Variants in TGM3 observed in about 807,000 individuals in gnomAD.
TGM3 encodes transglutaminase 3, also known as protein-glutamine gamma-glutamyltransferase E.
Under a neutral mutation model 73.8 loss-of-function variants are expected in TGM3, and 52 were observed. The observed-to-expected ratio is 0.70, with a 90% CI of 0.56 to 0.89. The LOEUF is 0.89. Ranked by LOEUF, TGM3 falls within the 40% of genes least tolerant of loss-of-function variation. The pLI is 0.00. For synonymous variants in TGM3, 372 were observed against 354.9 expected (o/e 1.05, Z -0.54); for missense variants, 928 against 909.9 (o/e 1.02, Z -0.26).
intron 1 of TGM3, among the ~76,000 whole-genome samples, chr20:2,307,086 C>T (rs1005405110): frequency 6.6e-6 from 1 of 152,170 alleles, no homozygotes; most frequent in Non-Finnish European, 1.5e-5. Flanking sequence ...GCACAAATGT[C>T]TCAGTTTCCC....
In TGM3 at chr20:2,332,890, G is replaced by T. The variant is rs2084329095; in HGVS notation, c.1642+580G>T. 1.3e-5 allele frequency among the ~76,000 whole-genome samples: 2 copies of T among 152,264 alleles called. No homozygotes were observed. The highest frequency in any genetic ancestry group is 4.1e-4 in the South Asian group (2 of 4,826). ...AATGACCACGGGACCCTAAACCTTG[G>T]CCCATGGCCCTCCCACAGCTGCCAC... On this transcript the variant is annotated intron_variant, in intron 10 of 12. Coordinates refer to ENST00000381458, the MANE Select transcript of TGM3 (RefSeq NM_003245.4). The surrounding 1 kb of genome is among the most constrained non-coding windows in gnomAD (Gnocchi z 4.4).
intron 11 of TGM3, among the ~76,000 whole-genome samples, chr20:2,336,149 C>G (rs1376991176): frequency 6.6e-6 from 1 of 152,222 alleles, no homozygotes; most frequent in Non-Finnish European, 1.5e-5. Context: ...CACTCTGTGT[C>G]TTCCTCAGCA....
At chr20:2,303,685 G>A (rs540395349) in intron 1 of TGM3, among the ~76,000 whole-genome samples, 6 of 152,230 alleles carry the variant, frequency 3.9e-5, no homozygotes, top group Non-Finnish European at 7.4e-5. Flanking sequence ...AGTAGTGCCT[G>A]CACATATGGG....
At chr20:2,297,863 T>C (rs2084119452) in intron 1 of TGM3, among the ~76,000 whole-genome samples, 1 of 152,170 alleles carries the variant, frequency 6.6e-6, no homozygotes, top group African/African-American at 2.4e-5. Flanking sequence ...CTGTCCTCGG[T>C]AGCTTTTAGT....
At position 2,332,260 on chromosome 20, in the gene TGM3, T is replaced by C. The variant is rs1343033426; in HGVS notation, c.1592T>C (p.Val531Ala). Residue 531 changes from valine (V) to alanine (A), a missense_variant, in exon 10 of 13, where the codon GTA becomes GCA. By Grantham distance (64) the Val-to-Ala change is moderately conservative (BLOSUM62 0). Coordinates refer to ENST00000381458, the MANE Select transcript of TGM3 (RefSeq NM_003245.4). This position sits in a 1 kb window ranked among gnomAD's most constrained non-coding sequence, Gnocchi z 4.4. ...ACCATCATCTACAACGGCACGCTTG[T>C]ACATGAAGTGTGGAAGGACTCTGCC... ...AWTIIYNGTL[V>A]HEVWKDSATM... 1 of 1,613,408 alleles carries C rather than the reference T, an allele frequency of 6.2e-7. No individual in the cohort carries two copies. Among genetic ancestry groups the C allele is most frequent in the East Asian group, 2.2e-5 (1 of 44,868 alleles).
intron 5 of TGM3, among the ~76,000 whole-genome samples, chr20:2,314,678 G>A (rs1017544959): frequency 1.2e-4 from 18 of 151,056 alleles, no homozygotes; most frequent in African/African-American, 3.6e-4. Flanking sequence ...CTGTGATTGC[G>A]CCACTGCACT....
intron 9 of TGM3, among the ~76,000 whole-genome samples, chr20:2,329,671 A>T (rs1182248745): frequency 6.6e-6 from 1 of 152,134 alleles, no homozygotes; most frequent in Non-Finnish European, 1.5e-5. Context: ...CGGGGGCGGA[A>T]GGTGAACTCT....
intron 12 of TGM3, 40 bp downstream of exon 12, chr20:2,340,027 A>AGGGGGGGGGG: frequency 1.5e-5 from 2 of 133,148 alleles, no homozygotes; most frequent in South Asian, 4.7e-5. Context: ...GGAGGGCGGG[A>AGGGGGGGGGG]GGGGGCGGGG....
At position 2,332,262 on chromosome 20, in the gene TGM3, C is replaced by T. The variant is rs764782884; in HGVS notation, c.1594C>T (p.His532Tyr). ...WTIIYNGTLV[H>Y]EVWKDSATMS... The stretch of plus-strand genomic sequence containing the variant: ...CATCATCTACAACGGCACGCTTGTA[C>T]ATGAAGTGTGGAAGGACTCTGCCAC... The change falls in exon 10 of 13, where the codon CAT becomes TAT. Residue 532 changes from histidine (H) to tyrosine (Y), a missense_variant. Transcript: ENST00000381458. The surrounding 1 kb of genome is among the most constrained non-coding windows in gnomAD (Gnocchi z 4.4). 2 of 1,613,140 alleles carry T rather than the reference C, an allele frequency of 1.2e-6. No homozygotes were observed. Among genetic ancestry groups the T allele is most frequent in the Non-Finnish European group, 1.7e-6 (2 of 1,179,440 alleles).
chr20:2,322,649 AC>A (rs2084268211), intron 7 of TGM3, among the ~76,000 whole-genome samples: 1 of 152,350 alleles, frequency 6.6e-6, no homozygotes, highest in African/African-American at 2.4e-5. Flanking sequence ...TCACTGTAAG[AC>A]CTTCTCAAGT....
At position 2,335,283 on chromosome 20, in the gene TGM3, C is replaced by T. The variant is rs2076406; in HGVS notation, c.1800+10C>T. ...CACCTTGACCCTGGAGGTAATGGGGCTCCCCATCCTGTGGGAAGGGGTTCT... is the reference window on the plus strand; with the variant it reads ...CACCTTGACCCTGGAGGTAATGGGGTTCCCCATCCTGTGGGAAGGGGTTCT... On this transcript the variant is annotated intron_variant, in intron 11 of 12. Transcript: ENST00000381458. 0.58 allele frequency: 930,347 copies of T among 1,613,056 alleles called. 272,991 individuals carry two copies. The highest frequency in any genetic ancestry group is 0.87 in the East Asian group (39,194 of 44,854).
chr20:2,309,897 C>A, intron 2 of TGM3, 67 bp downstream of exon 2: 1 of 1,592,382 alleles, frequency 6.3e-7, no homozygotes, highest in Non-Finnish European at 8.6e-7. Flanking sequence ...CATTCAAGGA[C>A]TGACGGGGAC....
At chr20:2,327,319 A>G (rs1389717187) in intron 8 of TGM3, among the ~76,000 whole-genome samples, 2 of 151,888 alleles carry the variant, frequency 1.3e-5, no homozygotes, top group African/African-American at 4.8e-5. Flanking sequence ...AATTACAAAA[A>G]AAAAAAATTA....
At chr20:2,300,638 A>C (rs214781) in intron 1 of TGM3, among the ~76,000 whole-genome samples, 111,531 of 152,156 alleles carry the variant, frequency 0.73, 42,963 homozygotes, top group East Asian at 0.93. Flanking sequence ...TTTGATATTG[A>C]GTAAGTGACT....
intron 4 of TGM3, among the ~76,000 whole-genome samples, chr20:2,311,460 G>A (rs536930120): frequency 2.6e-5 from 4 of 152,110 alleles, no homozygotes; most frequent in Admixed American, 1.3e-4. Context: ...GAGACACTGG[G>A]GACAGTAATG....
chr20:2,317,498 C>T lies in TGM3; in HGVS notation c.983+13C>T. On this transcript the variant is annotated intron_variant, in intron 7 of 12. Transcript: ENST00000381458. ...GTGATAGCGTATGGTAAGTATCTCA[C>T]CTTTTCCCTGAACTTCGAGCACCAC... The T allele has an allele frequency of 6.2e-7, 1 of 1,613,738 alleles. No homozygotes were observed. Among genetic ancestry groups the T allele is most frequent in the Non-Finnish European group, 8.5e-7 (1 of 1,179,682 alleles).
In TGM3 at chr20:2,296,027, C is replaced by T. The variant is rs1294619469; in HGVS notation, c.-37C>T. Reference sequence around the variant, plus strand: ...TCTGTCAGCACTGTCCGTGCCATTCCCAGAGGAGCCTGAGAAGAGGCAGAG... The same window carrying T: ...TCTGTCAGCACTGTCCGTGCCATTCTCAGAGGAGCCTGAGAAGAGGCAGAG... On this transcript the variant is annotated 5_prime_UTR_variant, in exon 1 of 13. Transcript: ENST00000381458. 26 of 1,551,320 alleles carry T rather than the reference C, an allele frequency of 1.7e-5. No homozygotes were observed. The highest frequency in any genetic ancestry group is 5.9e-5 in the Admixed American group (3 of 50,982).
rs975977508 is a variant in TGM3 at position 2,328,133 on chromosome 20, C to T, written c.1101C>T (p.Cys367=). Residue 367 remains cysteine (C), a synonymous_variant, in exon 9 of 13, where the codon TGC becomes TGT. Coordinates refer to ENST00000381458, the MANE Select transcript of TGM3 (RefSeq NM_003245.4). This position sits in a 1 kb window ranked among gnomAD's most constrained non-coding sequence, Gnocchi z 5.2. ...CTTGGCCTCCAGGGGTGTTCCAGTG[C>T]GGCCCCGCTTCGGTCATTGGTGTTC... The part of the protein sequence containing the change: ...PQERSQGVFQ[C]GPASVIGVRE... 10 of 1,614,004 alleles carry T rather than the reference C, an allele frequency of 6.2e-6. No homozygotes were observed. The highest frequency in any genetic ancestry group is 1.1e-5 in the South Asian group (1 of 91,080).
chr20:2,334,988 C>T lies in TGM3; in HGVS notation c.1643-128C>T, dbSNP rs942938203. Reference sequence around the variant, plus strand: ...CCCACAGGACCTGGCCCAAGGAGGGCTCAGTCAAGCCCGGGGCTGCAGATC... The same window carrying T: ...CCCACAGGACCTGGCCCAAGGAGGGTTCAGTCAAGCCCGGGGCTGCAGATC... On this transcript the variant is annotated intron_variant, in intron 10 of 12. Coordinates refer to ENST00000381458, the MANE Select transcript of TGM3 (RefSeq NM_003245.4). This position sits in a 1 kb window ranked among gnomAD's most constrained non-coding sequence, Gnocchi z 4.0. The T allele has an allele frequency of 2.1e-5, 25 of 1,215,888 alleles. No individual in the cohort carries two copies. The highest frequency in any genetic ancestry group is 2.6e-5 in the Non-Finnish European group (22 of 858,716). The allele number at this position is 1,215,888 out of a possible 1,614,324, so 75.3% of individuals were successfully genotyped here.
Sources: gnomAD v4.1 joint callset for allele counts (sites outside exome capture counted in the v4.1 genomes callset) on GRCh38, gnomAD v4.1.1 for gene constraint, Gnocchi (gnomAD v3.1) non-coding constraint, MANE v1.5 for transcripts, NCBI Gene and HGNC (gene_info 2026-07-23, HGNC 2026-07-21) for gene names.